Variants in CCDC73 observed in about 807,000 individuals in gnomAD.
CCDC73 encodes the protein coiled-coil domain containing 73, also known as coiled-coil domain-containing protein 73.
Under a neutral mutation model 116.5 loss-of-function variants are expected in CCDC73, and 95 were observed. That is an observed-to-expected ratio of 0.82 (90% CI 0.69 to 0.97). The LOEUF (loss-of-function observed/expected upper bound fraction) is 0.97. Among genes scored for constraint, CCDC73 ranks in the 50% least tolerant of loss-of-function variants. CCDC73 has a pLI of 0.00. For synonymous variants in CCDC73, 398 were observed against 401.3 expected (o/e 0.99, Z 0.10); for missense variants, 1,066 against 1,206.8 (o/e 0.88, Z 1.73).
chr11:32,656,172 G>A (rs141864955), intron 9 of CCDC73, among the ~76,000 whole-genome samples: 1,554 of 151,910 alleles, frequency 0.01, 26 homozygotes, highest in African/African-American at 0.035. Context: ...CCGCCTCCTG[G>A]GTTTGTGCCA....
intron 9 of CCDC73, among the ~76,000 whole-genome samples, chr11:32,661,312 T>C (rs182831533): frequency 6.6e-6 from 1 of 152,204 alleles, no homozygotes; most frequent in South Asian, 2.1e-4. Context: ...ACAATTTTTT[T>C]TATTATACTT....
intron 10 of CCDC73, among the ~76,000 whole-genome samples, chr11:32,654,608 T>C (rs969049222): frequency 1.3e-5 from 2 of 152,240 alleles, no homozygotes; most frequent in Non-Finnish European, 2.9e-5. Flanking sequence ...GTCCTGGAGA[T>C]ACCACTGTAC....
chr11:32,683,061 C>T (rs933283090), intron 7 of CCDC73: 1 of 155,648 alleles, frequency 6.4e-6, no homozygotes, highest in East Asian at 1.9e-4. Flanking sequence ...AATTTGGGAA[C>T]TGTGTAAAAT....
chr11:32,661,397 C>T (rs926672764), intron 9 of CCDC73, among the ~76,000 whole-genome samples: 1 of 151,662 alleles, frequency 6.6e-6, no homozygotes, highest in African/African-American at 2.4e-5. Context: ...GTTTCCCGCA[C>T]CCATTAACTC....
intron 1 of CCDC73, among the ~76,000 whole-genome samples, chr11:32,776,205 A>AGTC (rs1234579598): frequency 3.3e-5 from 5 of 152,136 alleles, no homozygotes; most frequent in Admixed American, 3.3e-4. Context: ...CTATCAATCT[A>AGTC]GTCAGACCCT....
At chr11:32,741,981 C>T (rs1394760376) in intron 2 of CCDC73, among the ~76,000 whole-genome samples, 1 of 152,132 alleles carries the variant, frequency 6.6e-6, no homozygotes, top group Non-Finnish European at 1.5e-5. Flanking sequence ...CTACAAAGGA[C>T]ATGAACTCAT....
chr11:32,673,215 T>C (rs1446410673), intron 9 of CCDC73, among the ~76,000 whole-genome samples: 2 of 152,062 alleles, frequency 1.3e-5, no homozygotes, highest in African/African-American at 4.8e-5. Context: ...CAAAACAAGA[T>C]ACCACTACAC....
chr11:32,688,200 A>G (rs1409017650), intron 6 of CCDC73, among the ~76,000 whole-genome samples: 2 of 152,238 alleles, frequency 1.3e-5, no homozygotes, highest in Admixed American at 6.5e-5. Flanking sequence ...TATCAGAGTG[A>G]ACATCGCCAA....
chr11:32,695,989 A>G (rs1233412895), intron 6 of CCDC73, among the ~76,000 whole-genome samples: 2 of 152,168 alleles, frequency 1.3e-5, no homozygotes, highest in African/African-American at 4.8e-5. Flanking sequence ...ATCGTAAGAA[A>G]AAATGTTTAG....
At chr11:32,770,441 G>A (rs1367460767) in intron 1 of CCDC73, among the ~76,000 whole-genome samples, 6 of 152,182 alleles carry the variant, frequency 3.9e-5, no homozygotes, top group African/African-American at 1.4e-4. Context: ...GATACACGAT[G>A]GGAAGAATTT....
chr11:32,742,834 A>C (rs1008143360), intron 2 of CCDC73, among the ~76,000 whole-genome samples: 8 of 152,094 alleles, frequency 5.3e-5, no homozygotes, highest in Non-Finnish European at 1.2e-4. Context: ...ATTTTTGTAT[A>C]AGGTGTAAGG....
At chr11:32,785,812 T>G (rs989294179) in intron 1 of CCDC73, among the ~76,000 whole-genome samples, 1 of 109,056 alleles carries the variant, frequency 9.2e-6, no homozygotes, top group Non-Finnish European at 2.0e-5. Context: ...CCACAACAGA[T>G]ATGGATTAAA....
At chr11:32,723,242 T>A (rs1176847943) in intron 2 of CCDC73, among the ~76,000 whole-genome samples, 1 of 152,224 alleles carries the variant, frequency 6.6e-6, no homozygotes, top group Non-Finnish European at 1.5e-5. Context: ...AGAATTGCTA[T>A]GAATTTTCTA....
At chr11:32,801,900 A>T in the CCDC73 span, among the ~76,000 whole-genome samples, 2 of 152,354 alleles carry the variant, frequency 1.3e-5, no homozygotes, top group East Asian at 3.9e-4. Context: ...TGTGTAATCC[A>T]TGGAACTCGG....
In CCDC73 at chr11:32,602,805, T is replaced by C. The variant is rs377689705; in HGVS notation, c.*6A>G. 50 of 1,552,538 alleles carry C rather than the reference T, an allele frequency of 3.2e-5. No homozygotes were observed. Among genetic ancestry groups the C allele is most frequent in the Non-Finnish European group, 3.9e-5 (45 of 1,143,508 alleles). On this transcript the variant is annotated 3_prime_UTR_variant, in exon 18 of 18. Coordinates refer to ENST00000335185, the MANE Select transcript of CCDC73 (RefSeq NM_001008391.4). ...ATAATTTCACTACTGAAAGCACTTA[T>C]CTACATTATTTTAATCTGTTGTTTT... is the stretch of plus-strand genomic sequence containing the variant.
chr11:32,768,148 A>C (rs567878689), intron 1 of CCDC73, among the ~76,000 whole-genome samples: 15 of 152,340 alleles, frequency 9.8e-5, no homozygotes, highest in South Asian at 4.1e-4. Context: ...AGCCATAAGA[A>C]AGGATGAGTT....
At chr11:32,644,187 A>G (rs941318484) in intron 12 of CCDC73, among the ~76,000 whole-genome samples, 1 of 152,182 alleles carries the variant, frequency 6.6e-6, no homozygotes, top group Non-Finnish European at 1.5e-5. Flanking sequence ...CTTTGCAGCA[A>G]CATGGATGGA....
intron 1 of CCDC73, among the ~76,000 whole-genome samples, chr11:32,765,022 A>G (rs569800932): frequency 2.0e-5 from 3 of 152,370 alleles, no homozygotes; most frequent in African/African-American, 7.2e-5. Flanking sequence ...AAAGAAGGCC[A>G]TTATATAATG....
At position 32,613,932 on chromosome 11, in the gene CCDC73, C is replaced by G. The variant is rs773185905; in HGVS notation, c.2386G>C (p.Val796Leu). 4.3e-6 allele frequency: 7 copies of G among 1,611,898 alleles called. No homozygotes were observed. Among genetic ancestry groups the G allele is most frequent in the Non-Finnish European group, 5.9e-6 (7 of 1,179,876 alleles). The change falls in exon 16 of 18, where the codon GTT becomes CTT. Residue 796 changes from valine (V) to leucine (L), a missense_variant. Val to Leu is a conservative substitution (Grantham distance 32). Coordinates refer to ENST00000335185, the MANE Select transcript of CCDC73 (RefSeq NM_001008391.4). ...ASQAKDVKTAVHMKTCTETEF... is the reference protein window; with the variant it reads ...ASQAKDVKTALHMKTCTETEF... ...GTTTCTGTGCAAGTTTTCATGTGAA[C>G]AGCAGTTTTCACATCTTTGGCTTGT...
Sources: allele counts gnomAD v4.1 joint callset (sites outside exome capture counted in the v4.1 genomes callset), GRCh38; gene constraint gnomAD v4.1.1; transcripts MANE v1.5; gene names NCBI Gene and HGNC (gene_info 2026-07-23, HGNC 2026-07-21).